The following CNNM4 variants were observed in gnomAD, a reference collection of about 807,000 sequenced individuals.
CNNM4 encodes metal transporter CNNM4.
In CNNM4, 32 loss-of-function variants were observed where a neutral mutation model predicts 53.7. That is an observed-to-expected ratio of 0.60 (90% CI 0.45 to 0.80). CNNM4 has a LOEUF of 0.80. Ranked by LOEUF, CNNM4 falls within the 30% of genes least tolerant of loss-of-function variation. The pLI is 0.00. For missense variants in CNNM4, 784 were observed against 1,022.0 expected (o/e 0.77, Z 3.17); for synonymous variants, 410 against 440.0 (o/e 0.93, Z 0.85).
chr2:96,773,352 A>G (rs2078895820), intron 1 of CNNM4, among the ~76,000 whole-genome samples: 1 of 152,160 alleles, frequency 6.6e-6, no homozygotes, highest in African/African-American at 2.4e-5. Context: ...CTGCGTAATC[A>G]TGCTGTAAAT....
chr2:96,790,003 A>ATTTTTTTTT (rs1014369887), intron 1 of CNNM4, among the ~76,000 whole-genome samples: 1 of 61,724 alleles, frequency 1.6e-5, no homozygotes, highest in Non-Finnish European at 3.0e-5. Context: ...CCGGGCTAGA[A>ATTTTTTTTT]TTTTTTTTTT....
intron 1 of CNNM4, among the ~76,000 whole-genome samples, chr2:96,785,352 G>A (rs1558988016): frequency 1.3e-5 from 2 of 151,946 alleles, no homozygotes; most frequent in Admixed American, 6.6e-5. Flanking sequence ...AAGTAAAACC[G>A]AAGTCCAGGT....
chr2:96,761,070 C>CGGTGCTGCT lies in CNNM4; in HGVS notation c.82_90dup (p.Val28_Leu30dup), dbSNP rs753162335. On this transcript the variant is annotated inframe_insertion, in exon 1 of 7. Coordinates refer to ENST00000377075, the MANE Select transcript of CNNM4 (RefSeq NM_020184.4). This position sits in a 1 kb window ranked among gnomAD's most constrained non-coding sequence, Gnocchi z 6.0. ...CGCGGGCGCCTCCTCCTGGCGGCGC[C>CGGTGCTGCT]GGTGCTGCTGGTGCTGCTGTGGGCG... 5 of 1,282,646 alleles carry CGGTGCTGCT rather than the reference C, an allele frequency of 3.9e-6. No homozygotes were observed. Among genetic ancestry groups the CGGTGCTGCT allele is most frequent in the Non-Finnish European group, 4.9e-6 (5 of 1,010,654 alleles). 79.5% of individuals were successfully genotyped at this position (1,282,646 alleles called of 1,614,324 possible).
chr2:96,774,042 C>A (rs1356527549), intron 1 of CNNM4, among the ~76,000 whole-genome samples: 1 of 152,090 alleles, frequency 6.6e-6, no homozygotes, highest in Non-Finnish European at 1.5e-5. Flanking sequence ...AAATTCACCT[C>A]ATTTACTTAG....
chr2:96,789,140 G>A (rs2079039203), intron 1 of CNNM4, among the ~76,000 whole-genome samples: 1 of 152,122 alleles, frequency 6.6e-6, no homozygotes, highest in Non-Finnish European at 1.5e-5. Context: ...AGGAGCGAGG[G>A]CACTACTCAG....
At position 96,797,067 on chromosome 2, in the gene CNNM4, C is replaced by T; in HGVS notation, c.1458C>T (p.Pro486=). The T allele has an allele frequency of 6.2e-7, 1 of 1,614,074 alleles. No individual in the cohort carries two copies. The highest frequency in any genetic ancestry group is 8.5e-7 in the Non-Finnish European group (1 of 1,180,012). ...TAAACAACGAGGGTGAGGGTGACCC[C>T]TTCTACGAGGTCCTGGGCCTGGTCA... The part of the protein sequence containing the change: ...QKVNNEGEGD[P]FYEVLGLVTL... The change falls in exon 2 of 7, where the codon CCC becomes CCT. Residue 486 remains proline, a synonymous_variant. Transcript: ENST00000377075. This position sits in a 1 kb window ranked among gnomAD's most constrained non-coding sequence, Gnocchi z 6.0.
chr2:96,768,772 T>TGCAGAC (rs770980385), intron 1 of CNNM4, among the ~76,000 whole-genome samples: 13 of 152,226 alleles, frequency 8.5e-5, no homozygotes, highest in Non-Finnish European at 1.6e-4. Context: ...TTTGTTGAAA[T>TGCAGAC]GCAGACTTGA....
chr2:96,790,421 C>G (rs1377756885), intron 1 of CNNM4, among the ~76,000 whole-genome samples: 1 of 151,914 alleles, frequency 6.6e-6, no homozygotes, highest in African/African-American at 2.4e-5. Flanking sequence ...ATGGCACGAT[C>G]TCGGCGCACT....
Position 96,800,348 on chromosome 2 carries a change from G to A in CNNM4, c.1948+700G>A, listed in dbSNP as rs1317505602. On this transcript the variant is annotated intron_variant, in intron 5 of 6. Transcript: ENST00000377075. The surrounding 1 kb of genome is among the most constrained non-coding windows in gnomAD (Gnocchi z 4.6). ...TCTCCAGGCTTCGGTCCTGGGGCGA[G>A]GTTGCTGCAGGGTAGAGAGAGAAAG... 6.6e-6 allele frequency among the ~76,000 whole-genome samples: 1 copy of A among 152,230 alleles called. No homozygotes were observed. Among genetic ancestry groups the A allele is most frequent in the African/African-American group, 2.4e-5 (1 of 41,456 alleles).
In CNNM4 at chr2:96,801,238, T is replaced by G. The variant is rs2079154986; in HGVS notation, c.1948+1590T>G. Reference sequence around the variant, plus strand: ...TGGACCCGGACCCCCGCCTGCTCAATGTGGGCCGCCAGACCTCAGTGGCTC... The same window carrying G: ...TGGACCCGGACCCCCGCCTGCTCAAGGTGGGCCGCCAGACCTCAGTGGCTC... On this transcript the variant is annotated intron_variant, in intron 5 of 6. Transcript: ENST00000377075. The surrounding 1 kb of genome is among the most constrained non-coding windows in gnomAD (Gnocchi z 5.6). The G allele has an allele frequency of 1.7e-6, 1 of 587,610 alleles. No homozygotes were observed. Among genetic ancestry groups the G allele is most frequent in the Admixed American group, 6.3e-5 (1 of 15,770 alleles). 36.4% of individuals were successfully genotyped at this position (587,610 alleles called of 1,614,324 possible). A position where few individuals can be genotyped will look rare whatever the true frequency, so the allele number is the denominator to read the frequency against.
Position 96,797,583 on chromosome 2 carries a change from C to A in CNNM4, c.1617C>A (p.Asp539Glu). 1 of 1,614,230 alleles carries A rather than the reference C, an allele frequency of 6.2e-7. No homozygotes were observed. The highest frequency in any genetic ancestry group is 8.5e-7 in the Non-Finnish European group (1 of 1,180,036). Reference sequence around the variant, plus strand: ...ACTTCTCTGCCTTCAAGGATGCGGACAATGAGCTCAAAGTGAAAATCTCCC... The same window carrying A: ...ACTTCTCTGCCTTCAAGGATGCGGAAAATGAGCTCAAAGTGAAAATCTCCC... Reference protein sequence around the residue: ...KRDFSAFKDADNELKVKISPQ... With the variant: ...KRDFSAFKDAENELKVKISPQ... The change falls in exon 3 of 7, where the codon GAC becomes GAA. Residue 539 changes from aspartate (D) to glutamate (E), a missense_variant. Asp to Glu is a conservative substitution (Grantham distance 45, BLOSUM62 2). This residue lies in a region of CNNM4 where 307 missense variants were observed against 376.3 expected (regional missense o/e 0.82). Transcript: ENST00000377075. This position sits in a 1 kb window ranked among gnomAD's most constrained non-coding sequence, Gnocchi z 6.0.
chr2:96,778,703 C>T (rs1355171448), intron 1 of CNNM4, among the ~76,000 whole-genome samples: 1 of 150,882 alleles, frequency 6.6e-6, no homozygotes, highest in Non-Finnish European at 1.5e-5. Context: ...CCTCCTGCCT[C>T]AGCCTCCTCA....
intron 4 of CNNM4, 57 bp from the exon 5 acceptor site, chr2:96,799,495 C>T (rs1264568009): frequency 1.9e-5 from 28 of 1,460,692 alleles, no homozygotes; most frequent in Non-Finnish European, 2.2e-5. Flanking sequence ...CCCATCCTGC[C>T]TCATCCTTTG....
At chr2:96,786,778 CAAAAAA>C (rs978560794) in intron 1 of CNNM4, among the ~76,000 whole-genome samples, 213 of 40,476 alleles carry the variant, frequency 5.3e-3, no homozygotes, top group African/African-American at 0.021. Context: ...GACTCTGTCT[CAAAAAA>C]AAAAAAAAAA....
At chr2:96,764,664 A>G (rs1336257913) in intron 1 of CNNM4, among the ~76,000 whole-genome samples, 1 of 152,174 alleles carries the variant, frequency 6.6e-6, no homozygotes, top group East Asian at 1.9e-4. Flanking sequence ...TACCCAGGAC[A>G]CAGCACACAC....
Position 96,790,290 on chromosome 2 carries a change from G to A in CNNM4, c.1403-6722G>A, listed in dbSNP as rs185515780. Among the ~76,000 whole-genome samples, 215 of 152,040 alleles carry A rather than the reference G, an allele frequency of 1.4e-3. 3 individuals are homozygous for A. The East Asian group carries it at 0.037, about 26-fold the overall frequency. On this transcript the variant is annotated intron_variant, in intron 1 of 6. Coordinates refer to ENST00000377075, the MANE Select transcript of CNNM4 (RefSeq NM_020184.4). Reference sequence around the variant, plus strand: ...CAAAGTGCTGAGATTACAGGCGTGAGCCACCGCACCCGGCCTAGAATTTTT... The same window carrying A: ...CAAAGTGCTGAGATTACAGGCGTGAACCACCGCACCCGGCCTAGAATTTTT...
intron 1 of CNNM4, among the ~76,000 whole-genome samples, chr2:96,789,944 C>G (rs1241565649): frequency 1.2e-5 from 1 of 83,226 alleles, no homozygotes; most frequent in Non-Finnish European, 2.3e-5. Flanking sequence ...ACCCACCCCC[C>G]GCCCCCGGCC....
chr2:96,811,527 T>C lies in CNNM4; in HGVS notation c.*2010T>C, dbSNP rs1262011085. 1 of 152,580 alleles carries C rather than the reference T, an allele frequency of 6.6e-6. No homozygotes were observed. Among genetic ancestry groups the C allele is most frequent in the African/African-American group, 2.4e-5 (1 of 41,424 alleles). 9.5% of individuals were successfully genotyped at this position (152,580 alleles called of 1,614,324 possible). ...GAGGGTCATCATTATTTCCAAATAT[T>C]GTTTGTCTGATGACTTCCTCTTCCC... On this transcript the variant is annotated 3_prime_UTR_variant, in exon 7 of 7. Transcript: ENST00000377075.
intron 1 of CNNM4, among the ~76,000 whole-genome samples, chr2:96,776,658 G>T (rs1190375867): frequency 1.3e-5 from 2 of 152,138 alleles, no homozygotes; most frequent in African/African-American, 2.4e-5. Context: ...CTCTCGCCCA[G>T]CCTGGAGTGC....
Sources: gnomAD v4.1 joint callset for allele counts (sites outside exome capture counted in the v4.1 genomes callset) on GRCh38, gnomAD v4.1.1 for gene constraint, gnomAD v4.1.1 regional missense constraint, Gnocchi (gnomAD v3.1) non-coding constraint, MANE v1.5 for transcripts, NCBI Gene and HGNC (gene_info 2026-07-23, HGNC 2026-07-21) for gene names.